The following UGGT2 variants were observed in gnomAD, a reference collection of about 807,000 sequenced individuals.
UGGT2 encodes the protein UDP-glucose:glycoprotein glucosyltransferase 2.
In UGGT2, 180 loss-of-function variants were observed where a neutral mutation model predicts 192.1. The observed-to-expected ratio is 0.94, with a 90% CI of 0.83 to 1.06. The LOEUF (loss-of-function observed/expected upper bound fraction) is 1.06. Ranked by LOEUF, UGGT2 falls within the 50% of genes least tolerant of loss-of-function variation. The pLI is 0.00. For synonymous variants in UGGT2, 580 were observed against 591.0 expected (o/e 0.98, Z 0.27); for missense variants, 1,849 against 1,795.7 (o/e 1.03, Z -0.54).
intron 29 of UGGT2, among the ~76,000 whole-genome samples, chr13:95,874,257 G>A (rs1462708809): frequency 6.6e-6 from 1 of 152,142 alleles, no homozygotes; most frequent in African/African-American, 2.4e-5. Context: ...AAGACATCCA[G>A]TGGATGTATG....
intron 12 of UGGT2, among the ~76,000 whole-genome samples, chr13:95,951,577 T>A (rs1162838241): frequency 6.6e-6 from 1 of 152,208 alleles, no homozygotes; most frequent in Non-Finnish European, 1.5e-5. Context: ...TAAAAGCAAG[T>A]GTGCCTAGAC....
At chr13:96,027,015 G>C (rs1456690957) in intron 2 of UGGT2, among the ~76,000 whole-genome samples, 1 of 152,038 alleles carries the variant, frequency 6.6e-6, no homozygotes, top group Admixed American at 6.6e-5. Flanking sequence ...CTCAGAACTT[G>C]GGAGATATGG....
In UGGT2 at chr13:95,859,652, C is replaced by T. The variant is rs367978080; in HGVS notation, c.3764G>A (p.Arg1255His). 182 of 1,609,006 alleles carry T rather than the reference C, an allele frequency of 1.1e-4. No individual in the cohort carries two copies. In the South Asian group the frequency reaches 1.3e-3, roughly 12 times the overall value. Residue 1255 changes from arginine (R) to histidine (H), a missense_variant, in exon 33 of 39, where the codon CGT becomes CAT. Transcript: ENST00000376747. ...FLRIMMLSVL[R>H]NTKTPVKFWL... is the part of the protein sequence containing the mutation. ...GAATTTCACTGGTGTTTTGGTGTTA[C>T]GCAAAACAGAAAGCATCATAATTCT...
chr13:95,832,025 CTTTT>C (rs34289402), intron 38 of UGGT2, among the ~76,000 whole-genome samples: 1 of 142,140 alleles, frequency 7.0e-6, no homozygotes, highest in Non-Finnish European at 1.5e-5. Context: ...ACCAAGAAAA[CTTTT>C]TTTTTTTAAA....
chr13:95,903,576 G>A (rs1164936440), intron 20 of UGGT2, among the ~76,000 whole-genome samples: 10 of 151,126 alleles, frequency 6.6e-5, no homozygotes, highest in African/African-American at 2.2e-4. Context: ...TCATATAAAT[G>A]GAGTCATGCA....
At chr13:95,957,072 G>C (rs2050232244) in intron 12 of UGGT2, among the ~76,000 whole-genome samples, 1 of 152,156 alleles carries the variant, frequency 6.6e-6, no homozygotes, top group African/African-American at 2.4e-5. Flanking sequence ...AAATTAGCCA[G>C]ACACAAAAGA....
chr13:95,906,759 G>T (rs541742207), intron 20 of UGGT2, among the ~76,000 whole-genome samples: 1 of 152,272 alleles, frequency 6.6e-6, no homozygotes, highest in South Asian at 2.1e-4. Context: ...AACAATAAAG[G>T]CTAACTTCTT....
At chr13:95,820,051 G>A (rs7331211) in intron 38 of UGGT2, among the ~76,000 whole-genome samples, 28,537 of 152,040 alleles carry the variant, frequency 0.19, 3,556 homozygotes, top group African/African-American at 0.35. Context: ...TCACCTAGTC[G>A]GAAGGCTGAG....
chr13:95,808,586 C>T (rs538052015), intron 38 of UGGT2, among the ~76,000 whole-genome samples: 335 of 151,944 alleles, frequency 2.2e-3, no homozygotes, highest in Non-Finnish European at 3.0e-3. Context: ...ACATATGTAC[C>T]AAAAATCTAA....
chr13:95,845,460 CAT>C (rs913811933), intron 36 of UGGT2, among the ~76,000 whole-genome samples: 5 of 148,542 alleles, frequency 3.4e-5, no homozygotes, highest in Admixed American at 6.8e-5. Context: ...GGACAAAGCA[CAT>C]GTTTCAGAGA....
rs184984552 is a variant in UGGT2, at chr13:95,949,412, G to A, written c.1378C>T (p.Pro460Ser). ...LENDDLYITW[P>S]TSCQKLLKPV... ...TTCAGAAGTTTCTGGCAACTTGTAGGCCATGTAATATACAAATCATCATTT... is the reference window on the plus strand; with the variant it reads ...TTCAGAAGTTTCTGGCAACTTGTAGACCATGTAATATACAAATCATCATTT... Residue 460 changes from proline to serine, a missense_variant, in exon 13 of 39, where the codon CCT becomes TCT. Pro to Ser is a moderately conservative substitution (Grantham distance 74, BLOSUM62 -1). Coordinates refer to ENST00000376747, the MANE Select transcript of UGGT2 (RefSeq NM_020121.4). The A allele has an allele frequency of 5.7e-6, 9 of 1,578,628 alleles. No individual in the cohort carries two copies. The Admixed American group carries it at 1.4e-4, about 24-fold the overall frequency.
At chr13:95,952,375 G>A (rs542997363) in intron 12 of UGGT2, among the ~76,000 whole-genome samples, 3 of 152,124 alleles carry the variant, frequency 2.0e-5, no homozygotes, top group Admixed American at 6.5e-5. Flanking sequence ...AGGACTCCCC[G>A]AGGATACCAA....
intron 36 of UGGT2, among the ~76,000 whole-genome samples, chr13:95,842,458 C>T (rs1247569618): frequency 6.6e-6 from 1 of 152,092 alleles, no homozygotes; most frequent in Non-Finnish European, 1.5e-5. Flanking sequence ...TATACCATAT[C>T]TTTTTATCTA....
chr13:96,036,701 T>C (rs2053013505), intron 1 of UGGT2, among the ~76,000 whole-genome samples: 1 of 152,234 alleles, frequency 6.6e-6, no homozygotes. Context: ...CAAACATCCT[T>C]GAGACCATCT....
intron 17 of UGGT2, among the ~76,000 whole-genome samples, chr13:95,928,732 C>A (rs962249907): frequency 6.6e-6 from 1 of 152,038 alleles, no homozygotes; most frequent in African/African-American, 2.4e-5. Context: ...GGCAGAGGGG[C>A]TCCTCACATC....
At chr13:95,884,368 A>T (rs2047584023) in intron 27 of UGGT2, 123 bp downstream of exon 27, 1 of 814,368 alleles carries the variant, frequency 1.2e-6, no homozygotes, top group African/African-American at 1.8e-5. Flanking sequence ...CAGGACCTAG[A>T]ATCATAAAAA....
intron 20 of UGGT2, among the ~76,000 whole-genome samples, chr13:95,923,842 C>T (rs1377862682): frequency 6.6e-6 from 1 of 152,054 alleles, no homozygotes; most frequent in African/African-American, 2.4e-5. Context: ...AGGAAATACA[C>T]CTAAACATTA....
intron 20 of UGGT2, among the ~76,000 whole-genome samples, chr13:95,918,202 A>T (rs999863000): frequency 6.6e-6 from 1 of 152,190 alleles, no homozygotes; most frequent in Non-Finnish European, 1.5e-5. Context: ...CCACAACACA[A>T]ATTAGAACTG....
At chr13:95,863,392 G>T (rs571795230) in intron 31 of UGGT2, 2 of 350,998 alleles carry the variant, frequency 5.7e-6, no homozygotes, top group East Asian at 4.4e-5. Flanking sequence ...ATTTCCCAAG[G>T]TTCCTTGTAA....
Sources: gnomAD v4.1 joint callset for allele counts (sites outside exome capture counted in the v4.1 genomes callset) on GRCh38, gnomAD v4.1.1 for gene constraint, MANE v1.5 for transcripts, NCBI Gene and HGNC (gene_info 2026-07-23, HGNC 2026-07-21) for gene names.